The following CFAP251 variants were observed in gnomAD, a reference collection of about 807,000 sequenced individuals.
CFAP251 encodes the protein cilia and flagella associated protein 251.
A neutral mutation model predicts 126.7 loss-of-function variants in CFAP251; 93 were observed. That is an observed-to-expected ratio of 0.73 (90% confidence interval 0.62 to 0.87). CFAP251 has a LOEUF of 0.87. Among genes scored for constraint, CFAP251 ranks in the 40% least tolerant of loss-of-function variants. CFAP251 has a pLI of 0.00. For synonymous variants in CFAP251, 503 were observed against 506.9 expected (o/e 0.99, Z 0.10); for missense variants, 1,287 against 1,389.2 (o/e 0.93, Z 1.17).
At chr12:121,999,028 T>C (rs1163104837) in intron 19 of CFAP251, 2 of 151,744 alleles carry the variant, frequency 1.3e-5, no homozygotes, top group Admixed American at 1.3e-4. Context: ...TTTTCACACA[T>C]GCCCGTTATT....
intron 19 of CFAP251, among the ~76,000 whole-genome samples, chr12:121,993,696 G>A (rs1411819613): frequency 6.9e-6 from 1 of 144,138 alleles, no homozygotes; most frequent in Non-Finnish European, 1.5e-5. Context: ...CTGCCCGGCC[G>A]CCCCGTCTGA....
intron 8 of CFAP251, chr12:121,950,059 A>G (rs1881465935): frequency 6.6e-6 from 1 of 152,256 alleles, no homozygotes; most frequent in Admixed American, 6.5e-5. Context: ...ATTTGTAATA[A>G]CCAAAAGGTA....
intron 16 of CFAP251, among the ~76,000 whole-genome samples, chr12:121,967,526 C>A (rs890963514): frequency 6.6e-6 from 1 of 152,058 alleles, no homozygotes; most frequent in Non-Finnish European, 1.5e-5. Context: ...CACGGTGAAA[C>A]CCCGTCTCTA....
At chr12:121,976,111 C>T (rs909865425) in intron 19 of CFAP251, among the ~76,000 whole-genome samples, 4 of 151,654 alleles carry the variant, frequency 2.6e-5, no homozygotes, top group East Asian at 1.9e-4. Context: ...TAGGTTCAAG[C>T]GGTTCTCCTG....
chr12:121,972,562 C>T (rs1287970474), intron 17 of CFAP251, among the ~76,000 whole-genome samples: 2 of 151,496 alleles, frequency 1.3e-5, no homozygotes, highest in Non-Finnish European at 2.9e-5. Context: ...GATCTTGGCT[C>T]ACTGCAACCT....
chr12:121,997,762 T>G (rs1883053951), intron 19 of CFAP251: 2 of 152,038 alleles, frequency 1.3e-5, no homozygotes. Context: ...TTTGTTTTTT[T>G]TTTTTTGAGT....
chr12:121,951,457 T>C, intron 8 of CFAP251, 23 bp from the exon 9 acceptor site: 1 of 1,504,492 alleles, frequency 6.6e-7, no homozygotes, highest in Non-Finnish European at 9.1e-7. Context: ...TTTTGAGTAG[T>C]GATTATTTTT....
At chr12:122,002,406 G>A (rs1883169925) in intron 21 of CFAP251, among the ~76,000 whole-genome samples, 1 of 152,092 alleles carries the variant, frequency 6.6e-6, no homozygotes, top group African/African-American at 2.4e-5. Flanking sequence ...TGGGCATAGC[G>A]GTGTATGCTT....
At chr12:121,964,145 T>TTTGTTGTTGTTG (rs10581852) in intron 15 of CFAP251, among the ~76,000 whole-genome samples, 2 of 149,758 alleles carry the variant, frequency 1.3e-5, no homozygotes, top group African/African-American at 4.9e-5. Context: ...CCACCCGGGA[T>TTTGTTGTTGTTG]TTGTTGTTGT....
intron 14 of CFAP251, among the ~76,000 whole-genome samples, chr12:121,961,357 A>G (rs1289398045): frequency 8.3e-6 from 1 of 119,968 alleles, no homozygotes; most frequent in African/African-American, 3.3e-5. Context: ...TCCTTTATTC[A>G]GTTTCTCCAT....
chr12:121,956,718 A>G lies in CFAP251; in HGVS notation c.1536-356A>G, dbSNP rs563867273. On this transcript the variant is annotated intron_variant, in intron 10 of 21. Coordinates refer to ENST00000288912, the MANE Select transcript of CFAP251 (RefSeq NM_144668.6). Reference sequence around the variant, plus strand: ...ACCATGTTGGCCAGACTGGTCTCGAACTCCTGACCTCAGGTGATCCACCCG... The same window carrying G: ...ACCATGTTGGCCAGACTGGTCTCGAGCTCCTGACCTCAGGTGATCCACCCG... 9.2e-5 allele frequency among the ~76,000 whole-genome samples: 14 copies of G among 152,050 alleles called. 1 individual carries two copies. In the South Asian group the frequency reaches 1.7e-3, roughly 18 times the overall value.
chr12:121,926,986 A>C (rs1422718484), intron 3 of CFAP251, among the ~76,000 whole-genome samples: 4 of 152,124 alleles, frequency 2.6e-5, no homozygotes, highest in Non-Finnish European at 5.9e-5. Flanking sequence ...TATTTGTAAA[A>C]AATTCAGACA....
At chr12:121,975,124 A>C in intron 17 of CFAP251, 120 bp from the exon 18 acceptor site, 1 of 734,098 alleles carries the variant, frequency 1.4e-6, no homozygotes, top group South Asian at 1.7e-5. Context: ...GTGTGTAGAG[A>C]CCCTAACTGT....
chr12:121,987,002 G>A (rs572593624), intron 19 of CFAP251, among the ~76,000 whole-genome samples: 1 of 152,198 alleles, frequency 6.6e-6, no homozygotes. Flanking sequence ...AGCCCTGTGT[G>A]CTAATCTTCA....
intron 17 of CFAP251, 116 bp downstream of exon 17, chr12:121,968,285 TG>T (rs939753284): frequency 2.6e-5 from 28 of 1,074,140 alleles, no homozygotes; most frequent in Middle Eastern, 6.5e-4. Context: ...TCACAGGGCC[TG>T]GCCTTCAGGT....
chr12:121,967,699 C>CA (rs1048150523), intron 16 of CFAP251, among the ~76,000 whole-genome samples: 49 of 151,570 alleles, frequency 3.2e-4, no homozygotes, highest in Admixed American at 1.3e-3. Context: ...GAGACTCCGT[C>CA]AAAAAAAAGA....
At chr12:121,970,375 G>T (rs1026246609) in intron 17 of CFAP251, among the ~76,000 whole-genome samples, 1 of 152,038 alleles carries the variant, frequency 6.6e-6, no homozygotes, top group South Asian at 2.1e-4. Context: ...GAGAGACCCC[G>T]ATTCGAATCC....
In CFAP251 at chr12:121,942,660, C is replaced by T. The variant is rs372367550; in HGVS notation, c.1110+15C>T. On this transcript the variant is annotated intron_variant, in intron 6 of 21. Transcript: ENST00000288912. ...CTGAAGTCCAGGTAAAGGCCCTGGC[C>T]CTTTGGGTCAGCATCAGCGAGCTGG... is the stretch of plus-strand genomic sequence containing the variant. 4.4e-6 allele frequency: 7 copies of T among 1,603,890 alleles called. No homozygotes were observed. In the African/African-American group the frequency reaches 8.0e-5, roughly 18 times the overall value.
intron 3 of CFAP251, among the ~76,000 whole-genome samples, chr12:121,928,433 A>C (rs775721363): frequency 4.5e-4 from 68 of 151,874 alleles, no homozygotes; most frequent in Non-Finnish European, 4.0e-4. Flanking sequence ...GAAATTGGCC[A>C]CATTACCTGC....
Sources: allele counts gnomAD v4.1 joint callset (sites outside exome capture counted in the v4.1 genomes callset), GRCh38; gene constraint gnomAD v4.1.1; transcripts MANE v1.5; gene names NCBI Gene and HGNC (gene_info 2026-07-23, HGNC 2026-07-21).